The following MCC variants were observed in gnomAD, a reference collection of about 807,000 sequenced individuals.
MCC encodes the protein MCC regulator of Wnt signaling pathway, also known as colorectal mutant cancer protein.
In MCC, 90 loss-of-function variants were observed where a neutral mutation model predicts 116.2. The ratio of observed to expected loss-of-function variants is 0.77; its 90% CI spans 0.65 to 0.92. The LOEUF (loss-of-function observed/expected upper bound fraction) is 0.92, where lower values mean the gene tolerates loss of function less well. MCC is among the 40% of genes least tolerant of loss of function. The pLI is 0.00. For missense variants in MCC, 1,516 were observed against 1,312.2 expected (o/e 1.16, Z -2.40); for synonymous variants, 578 against 510.5 (o/e 1.13, Z -1.78).
chr5:113,276,052 C>T (rs949457831), intron 3 of MCC, among the ~76,000 whole-genome samples: 1 of 150,426 alleles, frequency 6.6e-6, no homozygotes, highest in Non-Finnish European at 1.5e-5. Context: ...CCACAGGTGG[C>T]AAGAATCTCA....
In MCC at chr5:113,430,862, C is replaced by T. The variant is rs764035333; in HGVS notation, c.171-45650G>A. Among the ~76,000 whole-genome samples the T allele has an allele frequency of 4.6e-5, 7 of 152,102 alleles. 1 individual carries two copies. The highest frequency in any genetic ancestry group is 1.0e-4 in the Non-Finnish European group (7 of 68,024). ...AGAGAAGCTGGGTTACAGGAATAAG[C>T]TTCAGAGTTAATAGTGCAGGGTAAA... is the stretch of plus-strand genomic sequence containing the variant. On this transcript the variant is annotated intron_variant, in intron 1 of 18. Coordinates refer to ENST00000408903, the MANE Select transcript of MCC (RefSeq NM_001085377.2).
At chr5:113,430,465 G>C (rs1379764917) in intron 1 of MCC, among the ~76,000 whole-genome samples, 4 of 152,190 alleles carry the variant, frequency 2.6e-5, no homozygotes, top group Non-Finnish European at 4.4e-5. Context: ...CAAAGGTCCA[G>C]CCCTCTGAGG....
chr5:113,226,511 A>C lies in MCC; in HGVS notation c.628-75089T>G, dbSNP rs1359106732. On this transcript the variant is annotated intron_variant, in intron 3 of 18. Transcript: ENST00000408903. ...ATCAGGCTTTCAAATGACAGCTTTT[A>C]TTTTCAAATTAAATTATGTGTGTGT... Among the ~76,000 whole-genome samples, 5 of 152,216 alleles carry C rather than the reference A, an allele frequency of 3.3e-5. No homozygotes were observed. The East Asian group carries it at 9.6e-4, about 29-fold the overall frequency.
intron 3 of MCC, among the ~76,000 whole-genome samples, chr5:113,306,869 A>G (rs1375719969): frequency 6.6e-6 from 1 of 152,074 alleles, no homozygotes; most frequent in Admixed American, 6.5e-5. Context: ...TGTTGAGGTC[A>G]ATGATCCATT....
rs114218371 is a variant in MCC at position 113,336,571 on chromosome 5, A to C, written c.627+3948T>G. ...CTGGTTTGTCCCTACTCTCCTATAC[A>C]TCTAGCTTTCCCTCTTAACAGCTGA... On this transcript the variant is annotated intron_variant, in intron 3 of 18. Transcript: ENST00000408903. 4.8e-3 allele frequency among the ~76,000 whole-genome samples: 717 copies of C among 148,206 alleles called. 18 individuals carry two copies. The highest frequency in any genetic ancestry group is 0.018 in the African/African-American group (690 of 37,772).
intron 3 of MCC, among the ~76,000 whole-genome samples, chr5:113,262,262 G>A (rs1159167111): frequency 6.6e-6 from 1 of 151,596 alleles, no homozygotes; most frequent in Non-Finnish European, 1.5e-5. Flanking sequence ...TCAATCCCAT[G>A]ATTCTAGGCA....
intron 6 of MCC, among the ~76,000 whole-genome samples, chr5:113,106,778 T>G (rs1266589976): frequency 6.6e-6 from 1 of 152,190 alleles, no homozygotes; most frequent in Non-Finnish European, 1.5e-5. Flanking sequence ...CTCAAACTTT[T>G]GGCCATAAGC....
intron 3 of MCC, among the ~76,000 whole-genome samples, chr5:113,236,628 T>G (rs1007675358): frequency 6.6e-6 from 1 of 152,230 alleles, no homozygotes; most frequent in Non-Finnish European, 1.5e-5. Context: ...ATAATGTTTA[T>G]CTTCACTGTT....
chr5:113,111,728 T>G (rs1757111047), intron 6 of MCC, among the ~76,000 whole-genome samples: 1 of 152,302 alleles, frequency 6.6e-6, no homozygotes, highest in South Asian at 2.1e-4. Context: ...TCATTTAAAG[T>G]TGCATTTTCC....
At chr5:113,333,827 G>GTA (rs1554076874) in intron 3 of MCC, among the ~76,000 whole-genome samples, 1 of 39,926 alleles carries the variant, frequency 2.5e-5, no homozygotes, top group Non-Finnish European at 4.9e-5. Context: ...GTACATATAT[G>GTA]TATATATGTA....
chr5:113,069,387 G>C (rs765239264), intron 12 of MCC, among the ~76,000 whole-genome samples: 4 of 152,242 alleles, frequency 2.6e-5, no homozygotes, highest in Non-Finnish European at 4.4e-5. Context: ...CCTGTAGCGT[G>C]AGACCCACGT....
chr5:113,104,289 C>A lies in MCC; in HGVS notation c.1094G>T (p.Gly365Val), dbSNP rs377175107. ...VLTGLENVVC[G>V]RKKSSCSLSV... ...GAGGCTGCAGCTGCTCTTCTTCCTG[C>A]CGCAGACAACATTCTCCAGCCCTGT... The change falls in exon 7 of 19, where the codon GGC (glycine) becomes GTC (valine). Residue 365 changes from glycine (G) to valine (V), a missense_variant. By Grantham distance (109) the Gly-to-Val change is moderately radical. Coordinates refer to ENST00000408903, the MANE Select transcript of MCC (RefSeq NM_001085377.2). The A allele has an allele frequency of 1.0e-4, 164 of 1,613,930 alleles. No individual in the cohort carries two copies. The highest frequency in any genetic ancestry group is 1.7e-4 in the Middle Eastern group (1 of 5,984).
intron 1 of MCC, among the ~76,000 whole-genome samples, chr5:113,402,130 T>C (rs986588140): frequency 1.3e-5 from 2 of 151,890 alleles, no homozygotes; most frequent in African/African-American, 4.8e-5. Flanking sequence ...CCGTCTCTAC[T>C]AAAAATACAA....
chr5:113,283,649 C>A (rs971058600), intron 3 of MCC, among the ~76,000 whole-genome samples: 3 of 152,338 alleles, frequency 2.0e-5, no homozygotes, highest in African/African-American at 7.2e-5. Context: ...GTAAGCTCAT[C>A]TCATTATTCC....
chr5:113,312,720 C>A (rs1475225949), intron 3 of MCC, among the ~76,000 whole-genome samples: 1 of 152,206 alleles, frequency 6.6e-6, no homozygotes, highest in Non-Finnish European at 1.5e-5. Flanking sequence ...ATTCTTCTCA[C>A]ATGCTTACTT....
chr5:113,134,584 T>C (rs1456985327), intron 5 of MCC, among the ~76,000 whole-genome samples: 1 of 139,268 alleles, frequency 7.2e-6, no homozygotes, highest in Non-Finnish European at 1.6e-5. Context: ...TTTTTGTAGT[T>C]CTATAAACAT....
intron 3 of MCC, among the ~76,000 whole-genome samples, chr5:113,284,197 A>C (rs987548682): frequency 4.6e-5 from 7 of 152,216 alleles, no homozygotes; most frequent in Non-Finnish European, 1.0e-4. Flanking sequence ...AGAAAATACA[A>C]AAAGTAGCCG....
chr5:113,442,604 T>C (rs113241496), intron 1 of MCC, among the ~76,000 whole-genome samples: 17,542 of 152,216 alleles, frequency 0.12, 1,752 homozygotes, highest in African/African-American at 0.27. Context: ...ATTGCCTAGG[T>C]TTTCTTCTAG....
At chr5:113,162,394 A>T (rs1760537186) in intron 3 of MCC, among the ~76,000 whole-genome samples, 1 of 152,194 alleles carries the variant, frequency 6.6e-6, no homozygotes, top group South Asian at 2.1e-4. Context: ...AATGGGAACA[A>T]CACCCACTCA....
Sources: allele counts gnomAD v4.1 joint callset (sites outside exome capture counted in the v4.1 genomes callset), GRCh38; gene constraint gnomAD v4.1.1; transcripts MANE v1.5; gene names NCBI Gene and HGNC (gene_info 2026-07-23, HGNC 2026-07-21).